The following ACTN2 variants were observed in gnomAD, a reference collection of about 807,000 sequenced individuals.
The protein encoded by ACTN2 is actinin alpha 2.
A neutral mutation model predicts 113.8 loss-of-function variants in ACTN2; 39 were observed. The observed-to-expected ratio is 0.34, with a 90% CI of 0.27 to 0.45. The LOEUF is 0.45. Ranked by LOEUF, ACTN2 falls within the 20% of genes least tolerant of loss-of-function variation. The probability of loss-of-function intolerance (pLI) is 1.00; values close to 1 mark genes in which losing one functional copy is unlikely to be tolerated. For synonymous variants in ACTN2, 429 were observed against 444.1 expected (o/e 0.97, Z 0.43); for missense variants, 992 against 1,177.9 (o/e 0.84, Z 2.31).
At chr1:236,737,681 G>A (rs12044790) in intron 9 of ACTN2, among the ~76,000 whole-genome samples, 6 of 151,954 alleles carry the variant, frequency 3.9e-5, no homozygotes, top group Non-Finnish European at 5.9e-5. Context: ...GCTCGGGCTC[G>A]TGTGTCTGTA....
At chr1:236,736,455 A>T (rs1199115329) in intron 8 of ACTN2, 3 of 693,550 alleles carry the variant, frequency 4.3e-6, no homozygotes, top group Non-Finnish European at 7.1e-6. Context: ...CTCTTGTTCC[A>T]TCAGACAGTT....
chr1:236,757,582 A>G lies in ACTN2; in HGVS notation c.2251A>G (p.Thr751Ala). Residue 751 changes from threonine (T) to alanine (A), a missense_variant, in exon 18 of 21, where the codon ACC becomes GCC. Physicochemically the swap from Thr to Ala is moderately conservative, Grantham distance 58. Around this residue, in one of 3 missense-constraint regions of ACTN2, gnomAD observed 736 missense variants for 815.4 expected, o/e 0.90. Transcript: ENST00000366578. ...CCTGACGAGAGATGCGAAGGGCATC[A>G]CCCAGGAGCAGATGAATGAGTTCAG... Reference protein sequence around the residue: ...QILTRDAKGITQEQMNEFRAS... With the variant: ...QILTRDAKGIAQEQMNEFRAS... 3 of 1,614,200 alleles carry G rather than the reference A, an allele frequency of 1.9e-6. No homozygotes were observed. The highest frequency in any genetic ancestry group is 2.5e-6 in the Non-Finnish European group (3 of 1,180,038).
At chr1:236,709,255 T>TACACACACACACAC (rs372642966) in intron 1 of ACTN2, among the ~76,000 whole-genome samples, 1 of 68,900 alleles carries the variant, frequency 1.5e-5, no homozygotes, top group African/African-American at 5.3e-5. Flanking sequence ...TATATATATA[T>TACACACACACACAC]ACACACACAC....
intron 7 of ACTN2, among the ~76,000 whole-genome samples, chr1:236,731,866 C>T (rs1195357263): frequency 6.6e-6 from 1 of 152,170 alleles, no homozygotes; most frequent in African/African-American, 2.4e-5. Flanking sequence ...ATATATTTTG[C>T]ACTTCAGTAT....
At chr1:236,728,634 C>T (rs201811510) in intron 6 of ACTN2, among the ~76,000 whole-genome samples, 5 of 57,376 alleles carry the variant, frequency 8.7e-5, no homozygotes, top group Middle Eastern at 0.014. Context: ...TTTAGTTTTG[C>T]TTTTTTTCAG....
In ACTN2 at chr1:236,698,991, C is replaced by T. The variant is rs1460645681; in HGVS notation, c.126+12192C>T. Among the ~76,000 whole-genome samples the T allele has an allele frequency of 2.0e-5, 3 of 152,226 alleles. No individual in the cohort carries two copies. The East Asian group carries it at 5.8e-4, about 29-fold the overall frequency. ...CCGGAAAATGCACACAGAATTTTGT[C>T]TAATGTATGTAGAAATAGTTCTCTC... On this transcript the variant is annotated intron_variant, in intron 1 of 20. Transcript: ENST00000366578.
Position 236,751,477 on chromosome 1 carries a change from T to C in ACTN2, c.1664T>C (p.Ile555Thr). ...CTTGTGTCTCGGGTGTAGAGTCTGA[T>C]CACTGCGCATGAGCAGTTCAAGGCC... ...VHSIEEIQSL[I>T]TAHEQFKATL... The change falls in exon 15 of 21, where the codon ATC (isoleucine) becomes ACC (threonine). Residue 555 changes from isoleucine to threonine, a missense_variant. This residue lies in a region of ACTN2 where 736 missense variants were observed against 815.4 expected (regional missense o/e 0.90). Transcript: ENST00000366578. 1 of 1,614,074 alleles carries C rather than the reference T, an allele frequency of 6.2e-7. No individual in the cohort carries two copies. The highest frequency in any genetic ancestry group is 8.5e-7 in the Non-Finnish European group (1 of 1,180,036).
intron 4 of ACTN2, among the ~76,000 whole-genome samples, chr1:236,721,460 G>A (rs958936961): frequency 3.3e-5 from 5 of 151,996 alleles, no homozygotes; most frequent in Non-Finnish European, 4.4e-5. Flanking sequence ...TTCTGGCACC[G>A]GAGACCGACT....
rs1427084268 is a variant in ACTN2, at chr1:236,744,792, C to T, written c.1406+16C>T. ...AGGAGCTCAAGTATGTGCAGATGCC[C>T]TCCGTCCTCCCGGGAGCCCCTGGGA... On this transcript the variant is annotated intron_variant, in intron 12 of 20. Coordinates refer to ENST00000366578, the MANE Select transcript of ACTN2 (RefSeq NM_001103.4). 2 of 1,613,840 alleles carry T rather than the reference C, an allele frequency of 1.2e-6. No homozygotes were observed. Among genetic ancestry groups the T allele is most frequent in the South Asian group, 1.1e-5 (1 of 91,084 alleles).
chr1:236,751,260 T>C (rs1659386451), intron 14 of ACTN2, among the ~76,000 whole-genome samples: 1 of 152,188 alleles, frequency 6.6e-6, no homozygotes, highest in South Asian at 2.1e-4. Flanking sequence ...ACCAATATTA[T>C]TAATAGTCAT....
At chr1:236,741,060 T>C (rs1156740832) in intron 10 of ACTN2, among the ~76,000 whole-genome samples, 1 of 152,116 alleles carries the variant, frequency 6.6e-6, no homozygotes, top group Non-Finnish European at 1.5e-5. Context: ...TTCCTTTTTT[T>C]TAAAAACATG....
intron 12 of ACTN2, 88 bp from the exon 13 acceptor site, chr1:236,747,579 C>G: frequency 8.4e-7 from 1 of 1,193,124 alleles, no homozygotes. Flanking sequence ...TGTTTTTAAA[C>G]TTCCCTGTTA....
At chr1:236,702,215 G>A (rs1160332577) in intron 1 of ACTN2, among the ~76,000 whole-genome samples, 9 of 152,018 alleles carry the variant, frequency 5.9e-5, no homozygotes, top group South Asian at 2.1e-4. Flanking sequence ...AAGTTAAGTC[G>A]TTTTTTTCCC....
Position 236,686,571 on chromosome 1 carries a change from G to GCGCCCGCCGCCCGCCGCCCGC in ACTN2, c.-98_-78dup, listed in dbSNP as rs552471202. 2.3e-6 allele frequency: 3 copies of GCGCCCGCCGCCCGCCGCCCGC among 1,311,804 alleles called. No homozygotes were observed. In the Admixed American group the frequency reaches 1.3e-4, roughly 55 times the overall value. 81.3% of individuals were successfully genotyped at this position (1,311,804 alleles called of 1,614,324 possible). ...AGAGGAGCCGCGCGAAGGTCACCCC[G>GCGCCCGCCGCCCGCCGCCCGC]CGCCCGCCGCCCGCCGCCCGCCGCC... On this transcript the variant is annotated 5_prime_UTR_variant, in exon 1 of 21. Transcript: ENST00000366578.
intron 1 of ACTN2, among the ~76,000 whole-genome samples, chr1:236,694,062 T>G (rs1405004121): frequency 6.6e-6 from 1 of 152,150 alleles, no homozygotes; most frequent in Non-Finnish European, 1.5e-5. Context: ...TAGTACCTCC[T>G]TCTGCAGCTG....
intron 2 of ACTN2, among the ~76,000 whole-genome samples, chr1:236,718,403 T>G (rs1366990): frequency 0.84 from 127,299 of 152,236 alleles, 53,439 homozygotes; most frequent in Non-Finnish European, 0.88. Flanking sequence ...GTTGGCTGAT[T>G]TAGACTTTGG....
At chr1:236,725,798 A>G (rs1658532010) in intron 4 of ACTN2, 135 bp from the exon 5 acceptor site, 1 of 794,940 alleles carries the variant, frequency 1.3e-6, no homozygotes, top group African/African-American at 1.7e-5. Flanking sequence ...TCTGGCTCCT[A>G]TGCACTTGCC....
chr1:236,711,505 C>T (rs564631105), intron 1 of ACTN2, among the ~76,000 whole-genome samples: 4 of 152,248 alleles, frequency 2.6e-5, no homozygotes, highest in African/African-American at 7.2e-5. Context: ...TGCGCCACCA[C>T]GCCAGGCTAA....
chr1:236,760,196 A>G (rs1198817362), intron 19 of ACTN2, among the ~76,000 whole-genome samples: 2 of 152,032 alleles, frequency 1.3e-5, no homozygotes, highest in African/African-American at 2.4e-5. Context: ...CAGTGAGCTG[A>G]GATTGCACCA....
Sources: gnomAD v4.1 joint callset for allele counts (sites outside exome capture counted in the v4.1 genomes callset) on GRCh38, gnomAD v4.1.1 for gene constraint, gnomAD v4.1.1 regional missense constraint, MANE v1.5 for transcripts, NCBI Gene and HGNC (gene_info 2026-07-23, HGNC 2026-07-21) for gene names.